STAU2: variants seen among roughly 807,000 people sequenced by gnomAD.
The protein encoded by STAU2 is double-stranded RNA-binding protein Staufen homolog 2.
In STAU2, 20 loss-of-function variants were observed where a neutral mutation model predicts 65.9. The ratio of observed to expected loss-of-function variants is 0.30; its 90% confidence interval spans 0.21 to 0.44. STAU2 has a LOEUF of 0.44. STAU2 is among the 20% of genes least tolerant of loss of function. The pLI is 1.00. For missense variants in STAU2, 558 were observed against 683.9 expected, an observed-to-expected ratio of 0.82 and a Z score of 2.05; for synonymous variants, 232 against 233.9, an observed-to-expected ratio of 0.99 and a Z score of 0.07.
At chr8:73,492,369 C>T (rs1400738470) in intron 13 of STAU2, among the ~76,000 whole-genome samples, 2 of 151,838 alleles carry the variant, frequency 1.3e-5, no homozygotes, top group Non-Finnish European at 2.9e-5. Flanking sequence ...GTACTCATTA[C>T]CTTAGTCAAC....
At chr8:73,583,456 T>C (rs1024916524) in intron 11 of STAU2, among the ~76,000 whole-genome samples, 12 of 152,062 alleles carry the variant, frequency 7.9e-5, no homozygotes, top group Non-Finnish European at 1.3e-4. Flanking sequence ...AAAAAGTAAA[T>C]CTTATTAAAA....
chr8:73,471,044 T>C (rs958278855), intron 13 of STAU2, among the ~76,000 whole-genome samples: 1 of 152,184 alleles, frequency 6.6e-6, no homozygotes, highest in Non-Finnish European at 1.5e-5. Context: ...TAATAGTTTT[T>C]AGTTCCTCTA....
chr8:73,633,791 G>A (rs1208859608), intron 6 of STAU2, among the ~76,000 whole-genome samples: 1 of 152,126 alleles, frequency 6.6e-6, no homozygotes, highest in Non-Finnish European at 1.5e-5. Flanking sequence ...GACCAGTCTG[G>A]ACAACATGGT....
intron 10 of STAU2, among the ~76,000 whole-genome samples, chr8:73,599,325 A>C (rs1445693519): frequency 2.0e-5 from 3 of 152,232 alleles, no homozygotes; most frequent in Non-Finnish European, 2.9e-5. Flanking sequence ...TTTAGAAAGG[A>C]AAGTCACAAC....
chr8:73,570,474 C>A (rs541887892), intron 12 of STAU2, among the ~76,000 whole-genome samples: 1 of 151,808 alleles, frequency 6.6e-6, no homozygotes, highest in African/African-American at 2.4e-5. Context: ...CTACGTCTGA[C>A]TGGTGTACCT....
chr8:73,663,957 TG>T (rs1817039786), intron 6 of STAU2, among the ~76,000 whole-genome samples: 1 of 152,246 alleles, frequency 6.6e-6, no homozygotes, highest in Non-Finnish European at 1.5e-5. Context: ...TACAGAATCA[TG>T]GTGTCTATGA....
intron 6 of STAU2, among the ~76,000 whole-genome samples, chr8:73,654,469 T>C (rs1417842029): frequency 6.6e-6 from 1 of 151,218 alleles, no homozygotes; most frequent in Non-Finnish European, 1.5e-5. Context: ...CTGAGCAACA[T>C]AGTGAGACCC....
chr8:73,519,673 C>T (rs1289894406), intron 13 of STAU2, among the ~76,000 whole-genome samples: 1 of 152,198 alleles, frequency 6.6e-6, no homozygotes. Context: ...CTATTTCTCT[C>T]ACTAATTTTA....
chr8:73,599,496 ATT>A (rs1811466161), intron 10 of STAU2, among the ~76,000 whole-genome samples: 1 of 152,194 alleles, frequency 6.6e-6, no homozygotes, highest in Non-Finnish European at 1.5e-5. Context: ...ACCAGTTATC[ATT>A]TTACTTAAAA....
intron 6 of STAU2, among the ~76,000 whole-genome samples, chr8:73,649,849 T>C (rs1016610936): frequency 2.2e-5 from 3 of 137,162 alleles, no homozygotes; most frequent in African/African-American, 8.0e-5. Flanking sequence ...TAAGTTAGTA[T>C]ATATGTCTTC....
chr8:73,741,360 T>C (rs938718315), intron 1 of STAU2, among the ~76,000 whole-genome samples: 19 of 151,882 alleles, frequency 1.3e-4, no homozygotes, highest in Admixed American at 2.6e-4. Context: ...AACTCCACTT[T>C]GTCTTTATTA....
chr8:73,737,365 T>C (rs1450252899), intron 3 of STAU2, among the ~76,000 whole-genome samples: 1 of 151,740 alleles, frequency 6.6e-6, no homozygotes, highest in Non-Finnish European at 1.5e-5. Flanking sequence ...GAGACGGGGT[T>C]TCCCCATGTT....
intron 5 of STAU2, among the ~76,000 whole-genome samples, chr8:73,679,333 G>A (rs895940646): frequency 1.3e-5 from 2 of 152,184 alleles, no homozygotes; most frequent in African/African-American, 4.8e-5. Flanking sequence ...GACTCACAGT[G>A]TAAACTCTGC....
At chr8:73,471,817 T>TAAAAAAA (rs569600617) in intron 13 of STAU2, among the ~76,000 whole-genome samples, 1,094 of 86,744 alleles carry the variant, frequency 0.013, 54 homozygotes, top group African/African-American at 0.044. Flanking sequence ...AGACTCCAAC[T>TAAAAAAA]AAAAAAAAAA....
At chr8:73,530,240 C>A (rs1270807607) in intron 13 of STAU2, among the ~76,000 whole-genome samples, 1 of 152,166 alleles carries the variant, frequency 6.6e-6, no homozygotes, top group Admixed American at 6.5e-5. Flanking sequence ...GGCTTTTTAT[C>A]ACTCACAAAA....
chr8:73,551,677 C>A, intron 13 of STAU2: 1 of 1,010,940 alleles, frequency 9.9e-7, no homozygotes, highest in Non-Finnish European at 1.2e-6. Flanking sequence ...TGTCTGAAGG[C>A]AGAATTTTTG....
At chr8:73,607,546 A>G (rs538255643) in intron 9 of STAU2, among the ~76,000 whole-genome samples, 4 of 151,928 alleles carry the variant, frequency 2.6e-5, no homozygotes, top group Admixed American at 6.6e-5. Context: ...CCTAACCAAC[A>G]CAGAGAAACC....
intron 10 of STAU2, among the ~76,000 whole-genome samples, chr8:73,599,286 A>ATT (rs1277745385): frequency 4.5e-4 from 69 of 152,300 alleles, no homozygotes; most frequent in African/African-American, 1.7e-3. Context: ...ACTACACTAA[A>ATT]AATTACTCTT....
intron 12 of STAU2, among the ~76,000 whole-genome samples, chr8:73,552,631 T>C (rs1012624884): frequency 8.6e-5 from 13 of 151,986 alleles, no homozygotes; most frequent in Admixed American, 5.9e-4. Context: ...GGGCAGAAAA[T>C]CAGGAATGTG....
Sources: gnomAD v4.1 joint callset for allele counts (sites outside exome capture counted in the v4.1 genomes callset) on GRCh38, gnomAD v4.1.1 for gene constraint, MANE v1.5 for transcripts, NCBI Gene and HGNC (gene_info 2026-07-23, HGNC 2026-07-21) for gene names.